Variants in WDR41 observed in about 807,000 individuals in gnomAD.
WDR41 encodes WD repeat domain 41, also known as WD repeat-containing protein 41.
WDR41 carries 63 observed loss-of-function variants against 69.3 expected under a neutral mutation model. The observed-to-expected ratio is 0.91, with a 90% CI of 0.74 to 1.12. The LOEUF (loss-of-function observed/expected upper bound fraction) is 1.12. Ranked by LOEUF, WDR41 falls within the 50% of genes most tolerant of loss-of-function variation. WDR41 has a pLI of 0.00. For synonymous variants in WDR41, 185 were observed against 192.1 expected (o/e 0.96, Z 0.31); for missense variants, 543 against 534.5 (o/e 1.02, Z -0.16).
rs145113998 is a variant in WDR41, at chr5:77,464,548, G to GAA, written c.216+211_216+212dup. Among the ~76,000 whole-genome samples, 26 of 151,572 alleles carry GAA rather than the reference G, an allele frequency of 1.7e-4. No homozygotes were observed. The East Asian group carries it at 4.9e-3, about 28-fold the overall frequency. On this transcript the variant is annotated intron_variant, in intron 3 of 12. Coordinates refer to ENST00000296679, the MANE Select transcript of WDR41 (RefSeq NM_018268.4). ...AGGCACGAGCCACCACACCCAGCTG[G>GAA]AAAAAAAATCTCAATTTAAAAAAAC...
chr5:77,474,645 T>C (rs1581741560), intron 2 of WDR41, among the ~76,000 whole-genome samples: 1 of 152,288 alleles, frequency 6.6e-6, no homozygotes, highest in South Asian at 2.1e-4. Context: ...TGTATTATAT[T>C]AACATGACTC....
chr5:77,565,397 T>A (rs1042688780), intron 1 of WDR41, among the ~76,000 whole-genome samples: 2 of 152,150 alleles, frequency 1.3e-5, no homozygotes, highest in African/African-American at 4.8e-5. Flanking sequence ...TCAGATCTAA[T>A]TTTTAGTCTG....
intron 1 of WDR41, among the ~76,000 whole-genome samples, chr5:77,575,896 C>G (rs777972272): frequency 6.7e-6 from 1 of 148,186 alleles, no homozygotes; most frequent in Non-Finnish European, 1.5e-5. Flanking sequence ...AAAAATGCAC[C>G]GAGTCTACAA....
chr5:77,569,276 C>G (rs1056951968), intron 1 of WDR41, among the ~76,000 whole-genome samples: 11 of 152,098 alleles, frequency 7.2e-5, no homozygotes, highest in African/African-American at 2.7e-4. Context: ...AATGTTACAT[C>G]TGGAGAAATA....
At chr5:77,458,803 C>CA (rs1799929692) in intron 5 of WDR41, 5 of 289,682 alleles carry the variant, frequency 1.7e-5, no homozygotes, top group Middle Eastern at 1.0e-3. Flanking sequence ...GAACTACCTA[C>CA]AAAAAACATA....
chr5:77,565,592 T>C (rs1345986344), intron 1 of WDR41, among the ~76,000 whole-genome samples: 1 of 152,050 alleles, frequency 6.6e-6, no homozygotes, highest in Non-Finnish European at 1.5e-5. Flanking sequence ...GGTGATAGAT[T>C]GACTATAAGG....
chr5:77,551,839 G>A (rs1307091952), intron 1 of WDR41, among the ~76,000 whole-genome samples: 1 of 151,538 alleles, frequency 6.6e-6, no homozygotes, highest in East Asian at 1.9e-4. Flanking sequence ...CTAACTGGGT[G>A]TGGTGGCACG....
intron 1 of WDR41, among the ~76,000 whole-genome samples, chr5:77,617,700 G>T (rs916396207): frequency 1.3e-5 from 2 of 152,168 alleles, no homozygotes; most frequent in African/African-American, 4.8e-5. Flanking sequence ...CGTGTCAAAG[G>T]ATTGAAAGGG....
chr5:77,549,375 G>C (rs758330851), intron 1 of WDR41, among the ~76,000 whole-genome samples: 2 of 151,806 alleles, frequency 1.3e-5, no homozygotes, highest in African/African-American at 2.4e-5. Flanking sequence ...CTATCAAAAG[G>C]CTCCTAAAAC....
chr5:77,554,042 G>C (rs1457124249), intron 1 of WDR41, among the ~76,000 whole-genome samples: 1 of 152,124 alleles, frequency 6.6e-6, no homozygotes, highest in African/African-American at 2.4e-5. Context: ...GTCAACAGAT[G>C]GTTAAAGAAA....
chr5:77,560,840 T>G (rs1743510535), intron 1 of WDR41, among the ~76,000 whole-genome samples: 1 of 152,120 alleles, frequency 6.6e-6, no homozygotes, highest in Admixed American at 6.5e-5. Flanking sequence ...TAATTATGGA[T>G]TTGATAGGGT....
intron 1 of WDR41, among the ~76,000 whole-genome samples, chr5:77,506,328 C>T (rs901960765): frequency 1.3e-5 from 2 of 152,120 alleles, no homozygotes; most frequent in African/African-American, 2.4e-5. Flanking sequence ...CAAATCAAAA[C>T]CACAATGAGA....
At chr5:77,566,271 A>T (rs1004687618) in intron 1 of WDR41, among the ~76,000 whole-genome samples, 3 of 152,104 alleles carry the variant, frequency 2.0e-5, no homozygotes, top group African/African-American at 7.2e-5. Context: ...GCCTAGAACT[A>T]AGCTATTTTA....
chr5:77,492,472 G>A, upstream of WDR41: 1 of 433,242 alleles, frequency 2.3e-6, no homozygotes, highest in Non-Finnish European at 4.0e-6. Flanking sequence ...CGGCGGGGGC[G>A]GCTGCGGCGA....
intron 1 of WDR41, among the ~76,000 whole-genome samples, chr5:77,498,928 A>G (rs1195170164): frequency 6.6e-6 from 1 of 152,172 alleles, no homozygotes; most frequent in East Asian, 1.9e-4. Context: ...AAATTGTACT[A>G]CATCAAAATT....
intron 1 of WDR41, among the ~76,000 whole-genome samples, chr5:77,565,341 T>C (rs1341497382): frequency 6.6e-6 from 1 of 152,196 alleles, no homozygotes; most frequent in Admixed American, 6.5e-5. Context: ...TGAATGCCCT[T>C]TGCCAATTCC....
At chr5:77,608,853 T>C (rs1245858247) in intron 1 of WDR41, among the ~76,000 whole-genome samples, 2 of 152,186 alleles carry the variant, frequency 1.3e-5, no homozygotes, top group African/African-American at 4.8e-5. Context: ...GGGCGAGGCA[T>C]TGCCTCACTC....
At chr5:77,551,579 G>A (rs534867528) in intron 1 of WDR41, among the ~76,000 whole-genome samples, 6 of 151,906 alleles carry the variant, frequency 3.9e-5, no homozygotes, top group African/African-American at 1.4e-4. Flanking sequence ...TTGGGAGGCT[G>A]AGGAATGAGA....
chr5:77,614,048 C>T lies in WDR41; in HGVS notation c.42+6431G>A, dbSNP rs1744623382. On this transcript the variant is annotated intron_variant, in intron 1 of 5. Transcript: ENST00000509971. ...CAGCCAAAAGACACATGAAAAAATG[C>T]TCATCATCACTGGCCATCAGAGAAA... 2.0e-5 allele frequency among the ~76,000 whole-genome samples: 3 copies of T among 152,190 alleles called. No individual in the cohort carries two copies. In the South Asian group the frequency reaches 6.2e-4, roughly 32 times the overall value.
Sources: allele counts gnomAD v4.1 joint callset (sites outside exome capture counted in the v4.1 genomes callset), GRCh38; gene constraint gnomAD v4.1.1; transcripts MANE v1.5; gene names NCBI Gene and HGNC (gene_info 2026-07-23, HGNC 2026-07-21).